The following OSBPL10 variants were observed in gnomAD, a reference collection of about 807,000 sequenced individuals.
The protein encoded by OSBPL10 is oxysterol-binding protein-related protein 10.
A neutral mutation model predicts 81.7 loss-of-function variants in OSBPL10; 49 were observed. The observed-to-expected ratio is 0.60, with a 90% CI of 0.48 to 0.76. OSBPL10 has a LOEUF of 0.76. Ranked by LOEUF, OSBPL10 falls within the 30% of genes least tolerant of loss-of-function variation. The pLI, the probability that OSBPL10 is intolerant of heterozygous loss-of-function variation, is 0.00. For missense variants in OSBPL10, 923 were observed against 987.8 expected (o/e 0.93, Z 0.88); for synonymous variants, 419 against 383.6 (o/e 1.09, Z -1.08).
chr3:32,038,240 C>T (rs751422844), intron 2 of OSBPL10, among the ~76,000 whole-genome samples: 7 of 152,164 alleles, frequency 4.6e-5, no homozygotes, highest in Admixed American at 1.3e-4. Flanking sequence ...AAAAACATTA[C>T]GGCCAGGAGA....
intron 1 of OSBPL10, among the ~76,000 whole-genome samples, chr3:31,942,416 A>G (rs1376630174): frequency 6.6e-6 from 1 of 151,924 alleles, no homozygotes; most frequent in Non-Finnish European, 1.5e-5. Context: ...GGGCACCTGT[A>G]ATCCCAGCTA....
intron 1 of OSBPL10, among the ~76,000 whole-genome samples, chr3:31,923,061 G>C (rs1214539954): frequency 6.6e-6 from 1 of 152,114 alleles, no homozygotes; most frequent in Non-Finnish European, 1.5e-5. Flanking sequence ...CACAAAGAAA[G>C]AACAAGGGGC....
intron 1 of OSBPL10, among the ~76,000 whole-genome samples, chr3:32,074,885 C>T (rs1247098741): frequency 6.6e-6 from 1 of 152,168 alleles, no homozygotes; most frequent in East Asian, 1.9e-4. Context: ...TTTTATGCGG[C>T]TCTTCCACCT....
intron 3 of OSBPL10, among the ~76,000 whole-genome samples, chr3:31,865,072 AAAG>A (rs1200571736): frequency 6.6e-6 from 1 of 152,200 alleles, no homozygotes; most frequent in African/African-American, 2.4e-5. Context: ...AGGGAGAAGA[AAAG>A]AAGGGAGGGA....
At chr3:32,006,327 T>C (rs1699205054) in intron 2 of OSBPL10, among the ~76,000 whole-genome samples, 1 of 152,246 alleles carries the variant, frequency 6.6e-6, no homozygotes, top group Non-Finnish European at 1.5e-5. Flanking sequence ...TGTGTATTTT[T>C]CTGTTGGATT....
chr3:31,835,521 T>C (rs966909711), intron 3 of OSBPL10, among the ~76,000 whole-genome samples: 1 of 152,188 alleles, frequency 6.6e-6, no homozygotes, highest in African/African-American at 2.4e-5. Flanking sequence ...ATTTTTCTGA[T>C]GTGAAAAATT....
chr3:31,664,346 G>T, intron 10 of OSBPL10, 114 bp from the exon 11 acceptor site: 4 of 1,070,674 alleles, frequency 3.7e-6, no homozygotes, highest in East Asian at 2.5e-5. Context: ...GCCCCCTCTG[G>T]GGTAGCTCAT....
At chr3:31,930,287 T>C (rs952207151) in intron 1 of OSBPL10, among the ~76,000 whole-genome samples, 3 of 152,156 alleles carry the variant, frequency 2.0e-5, no homozygotes, top group Admixed American at 2.0e-4. Flanking sequence ...AAATTAAAAC[T>C]GACCTGAGAA....
At chr3:31,746,637 C>G (rs1221955055) in intron 5 of OSBPL10, among the ~76,000 whole-genome samples, 4 of 151,182 alleles carry the variant, frequency 2.6e-5, no homozygotes, top group Non-Finnish European at 5.9e-5. Flanking sequence ...AAGATTGCAC[C>G]ATTGCACTCC....
At chr3:31,802,373 C>T (rs1056290738) in intron 4 of OSBPL10, among the ~76,000 whole-genome samples, 3 of 150,202 alleles carry the variant, frequency 2.0e-5, no homozygotes, top group Non-Finnish European at 3.0e-5. Context: ...GCCTGGGCAA[C>T]ATGGTGAAAC....
intron 1 of OSBPL10, among the ~76,000 whole-genome samples, chr3:31,957,308 T>A (rs895728664): frequency 1.1e-4 from 16 of 151,978 alleles, no homozygotes; most frequent in African/African-American, 3.9e-4. Context: ...ACCCACAACC[T>A]TTGACTCAGT....
chr3:31,931,871 G>A (rs909634947), intron 1 of OSBPL10, among the ~76,000 whole-genome samples: 2 of 152,094 alleles, frequency 1.3e-5, no homozygotes, highest in Non-Finnish European at 2.9e-5. Context: ...GAGTCCCAGA[G>A]TTCGAGACCA....
Position 31,727,764 on chromosome 3 carries a change from T to C in OSBPL10, c.1095+5493A>G, listed in dbSNP as rs183882232. On this transcript the variant is annotated intron_variant, in intron 6 of 11. Coordinates refer to ENST00000396556, the MANE Select transcript of OSBPL10 (RefSeq NM_017784.5). Reference sequence around the variant, plus strand: ...TTAACCTTGTTCATCTCTAAAAATCTATCACCATCCCACACCGGATACATC... The same window carrying C: ...TTAACCTTGTTCATCTCTAAAAATCCATCACCATCCCACACCGGATACATC... Among the ~76,000 whole-genome samples the C allele has an allele frequency of 1.2e-3, 179 of 152,302 alleles. 2 individuals carry two copies. Among genetic ancestry groups the C allele is most frequent in the Admixed American group, 8.4e-3 (128 of 15,286 alleles).
rs1190320248 is a variant in OSBPL10, at chr3:31,747,905, C to G, written c.940+5G>C. 4 of 1,612,914 alleles carry G rather than the reference C, an allele frequency of 2.5e-6. No homozygotes were observed. Among genetic ancestry groups the G allele is most frequent in the Non-Finnish European group, 3.4e-6 (4 of 1,180,002 alleles). On this transcript the variant is annotated splice_donor_5th_base_variant and intron_variant, in intron 5 of 11. Coordinates refer to ENST00000396556, the MANE Select transcript of OSBPL10 (RefSeq NM_017784.5). ...CAAACATGGACAAGCCCCCGGGGGT[C>G]TTACCCGAGGCTCCTGGCTTCTGGC...
At chr3:31,868,657 A>C (rs549169558) in intron 3 of OSBPL10, among the ~76,000 whole-genome samples, 1 of 152,276 alleles carries the variant, frequency 6.6e-6, no homozygotes, top group South Asian at 2.1e-4. Flanking sequence ...AAATCCAAAA[A>C]CTATTGAAAA....
intron 3 of OSBPL10, among the ~76,000 whole-genome samples, chr3:31,847,074 T>C (rs1330312779): frequency 6.6e-6 from 1 of 152,104 alleles, no homozygotes. Context: ...TAAAGGGCTG[T>C]CACTTCAAGG....
chr3:31,732,852 C>T (rs574538868), intron 6 of OSBPL10: 5 of 243,008 alleles, frequency 2.1e-5, no homozygotes, highest in Admixed American at 5.5e-5. Context: ...ATGCAGGAGT[C>T]GAGCATGTGA....
chr3:31,947,779 G>T (rs1697744149), intron 1 of OSBPL10, among the ~76,000 whole-genome samples: 1 of 152,134 alleles, frequency 6.6e-6, no homozygotes, highest in Non-Finnish European at 1.5e-5. Flanking sequence ...TTCCCTGGAG[G>T]CAGAGCCTGA....
chr3:31,761,816 A>AAAAACAAAC (rs1305627637), intron 4 of OSBPL10, among the ~76,000 whole-genome samples: 2 of 139,544 alleles, frequency 1.4e-5, no homozygotes, highest in African/African-American at 6.0e-5. Flanking sequence ...CTGTCTCTAA[A>AAAAACAAAC]AAAAAAAAAA....
Sources: allele counts gnomAD v4.1 joint callset (sites outside exome capture counted in the v4.1 genomes callset), GRCh38; gene constraint gnomAD v4.1.1; transcripts MANE v1.5; gene names NCBI Gene and HGNC (gene_info 2026-07-23, HGNC 2026-07-21).